The following AGBL5 variants were observed in gnomAD, a reference collection of about 807,000 sequenced individuals.
The protein encoded by AGBL5 is AGBL carboxypeptidase 5.
AGBL5 carries 51 observed loss-of-function variants against 88.0 expected under a neutral mutation model. The observed-to-expected ratio is 0.58, with a 90% confidence interval of 0.46 to 0.73. The LOEUF is 0.73. Among genes scored for constraint, AGBL5 ranks in the 30% least tolerant of loss-of-function variants. AGBL5 has a pLI of 0.00. For synonymous variants in AGBL5, 446 were observed against 438.8 expected (o/e 1.02, Z -0.21); for missense variants, 1,031 against 1,162.2 (o/e 0.89, Z 1.64).
rs942147046 is a variant in AGBL5, at chr2:27,052,818, T to G, written c.-46-95T>G. On this transcript the variant is annotated intron_variant, in intron 1 of 14. Coordinates refer to ENST00000360131, the MANE Select transcript of AGBL5 (RefSeq NM_021831.6). The stretch of plus-strand genomic sequence containing the variant: ...GACAGCCTTTTGTTTCATAGGGCAC[T>G]CCCTAAGAATAGCTCTTATTTATCA... 1.6e-5 allele frequency: 11 copies of G among 670,964 alleles called. No homozygotes were observed. The African/African-American group carries it at 2.0e-4, about 12-fold the overall frequency. The allele number at this position is 670,964 out of a possible 1,614,324, so 41.6% of individuals were successfully genotyped here.
At chr2:27,055,010 C>G in intron 5 of AGBL5, 65 bp from the exon 6 acceptor site, 3 of 1,555,370 alleles carry the variant, frequency 1.9e-6, no homozygotes, top group East Asian at 2.2e-5. Flanking sequence ...ATGACACCCC[C>G]CATATACTGT....
chr2:27,051,386 G>A (rs1668134909), upstream of AGBL5: 1 of 152,218 alleles, frequency 6.6e-6, no homozygotes, highest in Non-Finnish European at 1.5e-5. Flanking sequence ...ACTGTTAAGC[G>A]ATAAGGAGTT....
rs766442319 is a variant in AGBL5 at position 27,069,024 on chromosome 2, A to AGCTTCTCCTCTCTTTCTGC, written c.2355+281_2355+299dup. On this transcript the variant is annotated intron_variant, in intron 13 of 14. Transcript: ENST00000360131. ...TTTGGCTTTCCCTGCCCCTGCCCTT[A>AGCTTCTCCTCTCTTTCTGC]GCTTCTCCTCTCTTTCTGCCCAGAC... 4 of 1,406,238 alleles carry AGCTTCTCCTCTCTTTCTGC rather than the reference A, an allele frequency of 2.8e-6. No homozygotes were observed. The South Asian group carries it at 4.9e-5, about 17-fold the overall frequency. The allele number at this position is 1,406,238 out of a possible 1,614,324, so 87.1% of individuals were successfully genotyped here.
At chr2:27,061,085 C>CA (rs1331324436) in intron 11 of AGBL5, 1 of 152,096 alleles carries the variant, frequency 6.6e-6, no homozygotes, top group Non-Finnish European at 1.5e-5. Context: ...TTTTTTGAGA[C>CA]AGAGTTTCAC....
intron 11 of AGBL5, among the ~76,000 whole-genome samples, chr2:27,060,610 A>G (rs1668667099): frequency 6.6e-6 from 1 of 152,236 alleles, no homozygotes; most frequent in African/African-American, 2.4e-5. Flanking sequence ...CTGTTGGTAC[A>G]GACCAGACAT....
rs1275076407 is a variant in AGBL5, at chr2:27,053,113, A to G, written c.155A>G (p.Tyr52Cys). The G allele has an allele frequency of 6.2e-7, 1 of 1,612,790 alleles. No homozygotes were observed. The highest frequency in any genetic ancestry group is 2.2e-5 in the East Asian group (1 of 44,868). ...AGTGGCATTGCCTCTTCCCCTGACT[A>G]TGAATTCAACGTGTGGACCCGACCA... ...LTSGIASSPD[Y>C]EFNVWTRPDC... Residue 52 changes from tyrosine to cysteine, a missense_variant, in exon 2 of 15, where the codon TAT (tyrosine) becomes TGT (cysteine). Around this residue, in one of 2 missense-constraint regions of AGBL5, gnomAD observed 540 missense variants for 678.2 expected, o/e 0.80. Transcript: ENST00000360131. This position sits in a 1 kb window ranked among gnomAD's most constrained non-coding sequence, Gnocchi z 4.9.
chr2:27,050,765 A>G (rs768117295), upstream of AGBL5, among the ~76,000 whole-genome samples: 4 of 152,000 alleles, frequency 2.6e-5, no homozygotes, highest in Admixed American at 6.5e-5. Context: ...TATCAGCAGC[A>G]TCTTATCGCA....
At chr2:27,069,064 T>C (rs371144528) in intron 13 of AGBL5, 23 of 1,362,826 alleles carry the variant, frequency 1.7e-5, no homozygotes, top group Non-Finnish European at 2.1e-5. Context: ...CCGAGGAGAG[T>C]TTCCGCCAGG....
At chr2:27,050,822 A>ATAGGGCGTGGCAAT (rs1553335896), upstream of AGBL5, among the ~76,000 whole-genome samples, 1 of 152,178 alleles carries the variant, frequency 6.6e-6, no homozygotes, top group Non-Finnish European at 1.5e-5. Flanking sequence ...ACTGTAGTGG[A>ATAGGGCGTGGCAAT]TAGGGCGTGG....
upstream of AGBL5, among the ~76,000 whole-genome samples, chr2:27,050,773 G>T (rs186879900): frequency 1.3e-5 from 2 of 152,200 alleles, no homozygotes; most frequent in African/African-American, 4.8e-5. Context: ...GCATCTTATC[G>T]CAGCGGAGCC....
In AGBL5 at chr2:27,070,557, G is replaced by T. The variant is rs753336103; in HGVS notation, c.*294G>T. 3.0e-6 allele frequency: 1 copy of T among 330,606 alleles called. No homozygotes were observed. Among genetic ancestry groups the T allele is most frequent in the Non-Finnish European group, 5.6e-6 (1 of 179,344 alleles). The allele number at this position is 330,606 out of a possible 1,614,324, so 20.5% of individuals were successfully genotyped here. ...GCCCCTATACTGGGCCCTATTCAGT[G>T]GCAGCTTCTTGTTCCATAGGATTAA... On this transcript the variant is annotated 3_prime_UTR_variant, in exon 15 of 15. Coordinates refer to ENST00000360131, the MANE Select transcript of AGBL5 (RefSeq NM_021831.6).
In AGBL5 at chr2:27,059,380, C is replaced by T. The variant is rs965275343; in HGVS notation, c.2065C>T (p.His689Tyr). The T allele has an allele frequency of 6.2e-7, 1 of 1,614,218 alleles. No individual in the cohort carries two copies. The highest frequency in any genetic ancestry group is 8.5e-7 in the Non-Finnish European group (1 of 1,180,048). ...GLGSSTQKVT[H>Y]RVLGPVREPR... ...GGGCTCTAGTACCCAAAAGGTCACC[C>T]ACCGGGTGCTGGGCCCCGTCAGAGG... The change falls in exon 11 of 15, where the codon CAC becomes TAC. Residue 689 changes from histidine (H) to tyrosine (Y), a missense_variant. His to Tyr is a moderately conservative substitution (Grantham distance 83). Around this residue, in one of 2 missense-constraint regions of AGBL5, gnomAD observed 491 missense variants for 484.0 expected, o/e 1.01. Coordinates refer to ENST00000360131, the MANE Select transcript of AGBL5 (RefSeq NM_021831.6).
intron 13 of AGBL5, 84 bp from the exon 14 acceptor site, chr2:27,069,489 T>C: frequency 6.4e-7 from 1 of 1,565,796 alleles, no homozygotes; most frequent in Non-Finnish European, 8.7e-7. Flanking sequence ...ACAACACTCT[T>C]ATGCATGGAA....
chr2:27,052,605 G>C (rs961609849), intron 1 of AGBL5: 31 of 170,904 alleles, frequency 1.8e-4, no homozygotes, highest in Non-Finnish European at 2.7e-4. Flanking sequence ...TCTAATCTTT[G>C]GGCTGCAAAG....
intron 9 of AGBL5, among the ~76,000 whole-genome samples, chr2:27,057,712 A>G (rs113353127): frequency 1.8e-4 from 27 of 152,162 alleles, no homozygotes; most frequent in Non-Finnish European, 7.4e-5. Flanking sequence ...TTCTCATTCT[A>G]TTGGATTTAT....
rs755544280 is a variant in AGBL5, at chr2:27,055,734, G to A, written c.961G>A (p.Val321Ile). ...CCGTCAGTACCTGAAGCCTGATGCC[G>A]TCCTGCACCCGGCCATCTATGGGGC... ...LNRQYLKPDAVLHPAIYGAKA... is the reference protein window; with the variant it reads ...LNRQYLKPDAILHPAIYGAKA... Residue 321 changes from valine (V) to isoleucine (I), a missense_variant, in exon 7 of 15, where the codon GTC becomes ATC. Val to Ile is a conservative substitution (Grantham distance 29). Coordinates refer to ENST00000360131, the MANE Select transcript of AGBL5 (RefSeq NM_021831.6). The A allele has an allele frequency of 4.3e-5, 70 of 1,613,968 alleles. No homozygotes were observed. The South Asian group carries it at 5.9e-4, about 14-fold the overall frequency.
chr2:27,064,894 C>T (rs1021225820), intron 11 of AGBL5, among the ~76,000 whole-genome samples: 1 of 151,416 alleles, frequency 6.6e-6, no homozygotes, highest in Admixed American at 6.6e-5. Context: ...GCTGGGATTA[C>T]AGGCGCTCAC....
intron 11 of AGBL5, among the ~76,000 whole-genome samples, chr2:27,061,445 C>T (rs1322343974): frequency 6.6e-6 from 1 of 152,204 alleles, no homozygotes; most frequent in Non-Finnish European, 1.5e-5. Context: ...CCACGTTGGT[C>T]AGGCTGGTCT....
chr2:27,053,060 G>A lies in AGBL5; in HGVS notation c.102G>A (p.Gly34=). ...KVESLSSDGE[G]VGGGASALTS... ...AATCTTTGTCCAGTGATGGGGAAGG[G>A]GTAGGAGGTGGGGCGTCAGCCCTGA... Residue 34 remains glycine (G), a synonymous_variant, in exon 2 of 15, where the codon GGG becomes GGA. Coordinates refer to ENST00000360131, the MANE Select transcript of AGBL5 (RefSeq NM_021831.6). This position sits in a 1 kb window ranked among gnomAD's most constrained non-coding sequence, Gnocchi z 4.9. The A allele has an allele frequency of 6.2e-7, 1 of 1,613,804 alleles. No individual in the cohort carries two copies. The highest frequency in any genetic ancestry group is 8.5e-7 in the Non-Finnish European group (1 of 1,179,874).
Sources: allele counts gnomAD v4.1 joint callset (sites outside exome capture counted in the v4.1 genomes callset), GRCh38; gene constraint gnomAD v4.1.1; regional missense constraint gnomAD v4.1.1; non-coding constraint Gnocchi (gnomAD v3.1); transcripts MANE v1.5; gene names NCBI Gene and HGNC (gene_info 2026-07-23, HGNC 2026-07-21).